The following HTRA3 variants were observed in gnomAD, a reference collection of about 807,000 sequenced individuals.
HTRA3 encodes serine protease HTRA3.
Under a neutral mutation model 43.2 loss-of-function variants are expected in HTRA3, and 41 were observed. The observed-to-expected ratio is 0.95, with a 90% CI of 0.74 to 1.23. HTRA3 has a LOEUF of 1.23. HTRA3 is among the 50% of genes most tolerant of loss of function. The pLI is 0.00. For missense variants in HTRA3, 628 were observed against 647.1 expected (o/e 0.97, Z 0.32); for synonymous variants, 295 against 287.9 (o/e 1.02, Z -0.25).
intron 1 of HTRA3, among the ~76,000 whole-genome samples, chr4:8,274,740 C>T (rs538370202): frequency 2.6e-5 from 4 of 152,318 alleles, no homozygotes; most frequent in South Asian, 2.1e-4. Context: ...TCCCTTTGCG[C>T]GTAACCAGAG....
rs533827735 is a variant in HTRA3 at position 8,295,345 on chromosome 4, C to T, written c.1051+1144C>T. Among the ~76,000 whole-genome samples, 68 of 152,030 alleles carry T rather than the reference C, an allele frequency of 4.5e-4. No homozygotes were observed. Among genetic ancestry groups the T allele is most frequent in the African/African-American group, 1.6e-3 (67 of 41,456 alleles). ...TCACCCTCCTCCAAGCCCCCATTTCCTTGCCCCCATTTCCTCACCCCATCA... is the reference window on the plus strand; with the variant it reads ...TCACCCTCCTCCAAGCCCCCATTTCTTTGCCCCCATTTCCTCACCCCATCA... On this transcript the variant is annotated intron_variant, in intron 6 of 8. Transcript: ENST00000307358. This position sits in a 1 kb window ranked among gnomAD's most constrained non-coding sequence, Gnocchi z 6.9.
In HTRA3 at chr4:8,297,195, G is replaced by A. The variant is rs572993897; in HGVS notation, c.1051+2994G>A. ...GCAGCCCAGCCACCTGGCAGGAGCA[G>A]GGCCAGGAGCAGGACGGGCAGGGAG... On this transcript the variant is annotated intron_variant, in intron 6 of 8. Coordinates refer to ENST00000307358, the MANE Select transcript of HTRA3 (RefSeq NM_053044.5). This position sits in a 1 kb window ranked among gnomAD's most constrained non-coding sequence, Gnocchi z 5.8. 2.0e-5 allele frequency among the ~76,000 whole-genome samples: 3 copies of A among 152,068 alleles called. No individual in the cohort carries two copies. Among genetic ancestry groups the A allele is most frequent in the Non-Finnish European group, 4.4e-5 (3 of 68,010 alleles).
In HTRA3 at chr4:8,279,578, G is replaced by A. The variant is rs369691394; in HGVS notation, c.386-2859G>A. ...CACGTTGGGGTCCAGAGAGCTTTCC[G>A]GCCCTGGGTGTTGGAGTGTCTGAGT... On this transcript the variant is annotated intron_variant, in intron 1 of 8. Transcript: ENST00000307358. This position sits in a 1 kb window ranked among gnomAD's most constrained non-coding sequence, Gnocchi z 7.4. Among the ~76,000 whole-genome samples the A allele has an allele frequency of 4.6e-5, 7 of 152,106 alleles. No individual in the cohort carries two copies. The highest frequency in any genetic ancestry group is 2.1e-4 in the South Asian group (1 of 4,822).
Position 8,271,686 on chromosome 4 carries a change from A to G in HTRA3, c.385+1333A>G, listed in dbSNP as rs137873414. ...TCTGGTGAGGGCTGCACTCTGCGGA[A>G]GGGAGGAAGCTGCGTCTTCACACGG... is the stretch of plus-strand genomic sequence containing the variant. On this transcript the variant is annotated intron_variant, in intron 1 of 8. Coordinates refer to ENST00000307358, the MANE Select transcript of HTRA3 (RefSeq NM_053044.5). Among the ~76,000 whole-genome samples the G allele has an allele frequency of 2.1e-3, 323 of 152,324 alleles. 2 individuals are homozygous for G. Among genetic ancestry groups the G allele is most frequent in the African/African-American group, 7.5e-3 (310 of 41,564 alleles).
At chr4:8,287,822 A>G (rs1289020182) in intron 3 of HTRA3, among the ~76,000 whole-genome samples, 1 of 152,220 alleles carries the variant, frequency 6.6e-6, no homozygotes, top group Non-Finnish European at 1.5e-5. Flanking sequence ...ATCACAGCGC[A>G]CTGGAGCAGG....
intron 1 of HTRA3, among the ~76,000 whole-genome samples, chr4:8,281,178 G>A (rs571733034): frequency 1.3e-5 from 2 of 152,144 alleles, no homozygotes; most frequent in African/African-American, 4.8e-5. Context: ...CCTAGAGCAC[G>A]GACCGCGGCC....
chr4:8,283,071 C>T (rs1712821163), intron 2 of HTRA3, among the ~76,000 whole-genome samples: 2 of 152,124 alleles, frequency 1.3e-5, no homozygotes, highest in African/African-American at 2.4e-5. Context: ...CCCGTGTGGC[C>T]GGAGCGGGGA....
chr4:8,285,493 C>T lies in HTRA3; in HGVS notation c.486-1068C>T, dbSNP rs572655704. Among the ~76,000 whole-genome samples the T allele has an allele frequency of 3.5e-4, 53 of 152,326 alleles. 1 individual carries two copies. The highest frequency in any genetic ancestry group is 1.2e-3 in the South Asian group (6 of 4,824). On this transcript the variant is annotated intron_variant, in intron 2 of 8. Coordinates refer to ENST00000307358, the MANE Select transcript of HTRA3 (RefSeq NM_053044.5). Reference sequence around the variant, plus strand: ...CTCTCACCTGCCTGCACGTGCCAGACGTTTCCATCCCTCCATACTTTGTCC... The same window carrying T: ...CTCTCACCTGCCTGCACGTGCCAGATGTTTCCATCCCTCCATACTTTGTCC...
chr4:8,298,333 A>T (rs924939502), intron 6 of HTRA3, among the ~76,000 whole-genome samples: 1 of 152,226 alleles, frequency 6.6e-6, no homozygotes, highest in Non-Finnish European at 1.5e-5. Context: ...TATTTGGCCC[A>T]TTAAAAACAT....
chr4:8,281,096 C>G (rs761920482), intron 1 of HTRA3, among the ~76,000 whole-genome samples: 5 of 152,124 alleles, frequency 3.3e-5, no homozygotes, highest in Non-Finnish European at 5.9e-5. Flanking sequence ...GTTTCCTTCC[C>G]CTGGCTGCCC....
chr4:8,283,077 G>A (rs370502873), intron 2 of HTRA3, among the ~76,000 whole-genome samples: 26 of 152,328 alleles, frequency 1.7e-4, no homozygotes, highest in Middle Eastern at 3.4e-3. Flanking sequence ...TGGCCGGAGC[G>A]GGGAGGAATG....
Position 8,279,148 on chromosome 4 carries a change from G to A in HTRA3, c.386-3289G>A, listed in dbSNP as rs775201004. ...GGTGGGCACGTGCGGGCTTCTCTTT[G>A]GAGACTCTGTGGGAAACAGGCCACC... On this transcript the variant is annotated intron_variant, in intron 1 of 8. Transcript: ENST00000307358. The surrounding 1 kb of genome is among the most constrained non-coding windows in gnomAD (Gnocchi z 7.4). Among the ~76,000 whole-genome samples the A allele has an allele frequency of 1.3e-5, 2 of 152,074 alleles. No individual in the cohort carries two copies. The highest frequency in any genetic ancestry group is 6.5e-5 in the Admixed American group (1 of 15,276).
chr4:8,298,121 C>T (rs988339374), intron 6 of HTRA3, among the ~76,000 whole-genome samples: 8 of 152,308 alleles, frequency 5.3e-5, no homozygotes, highest in African/African-American at 9.6e-5. Context: ...TGGGCTCCTC[C>T]GGATGCTGCC....
chr4:8,283,948 G>A (rs1460109213), intron 2 of HTRA3, among the ~76,000 whole-genome samples: 1 of 152,302 alleles, frequency 6.6e-6, no homozygotes, highest in South Asian at 2.1e-4. Context: ...CTGTCACTAG[G>A]CGTCACGGCC....
chr4:8,295,661 C>G lies in HTRA3; in HGVS notation c.1051+1460C>G. ...AACGCCCAGGCCTGACTCAGCAACT[C>G]ACACTTCCACATTGCTTTGCTGTCT... is the stretch of plus-strand genomic sequence containing the variant. On this transcript the variant is annotated intron_variant, in intron 6 of 8. Transcript: ENST00000307358. The surrounding 1 kb of genome is among the most constrained non-coding windows in gnomAD (Gnocchi z 6.9). 7.2e-7 allele frequency: 1 copy of G among 1,394,642 alleles called. No homozygotes were observed. Among genetic ancestry groups the G allele is most frequent in the Non-Finnish European group, 9.3e-7 (1 of 1,070,894 alleles). 86.4% of individuals were successfully genotyped at this position (1,394,642 alleles called of 1,614,324 possible). A position where few individuals can be genotyped will look rare whatever the true frequency, so the allele number is the denominator to read the frequency against.
chr4:8,297,817 C>A lies in HTRA3; in HGVS notation c.1051+3616C>A, dbSNP rs574949923. Reference sequence around the variant, plus strand: ...TGGCCCCTCCTGCTCCAGGCTCAGACGCGCAGCTGCTTGTGGGATGGACCC... The same window carrying A: ...TGGCCCCTCCTGCTCCAGGCTCAGAAGCGCAGCTGCTTGTGGGATGGACCC... On this transcript the variant is annotated intron_variant, in intron 6 of 8. Coordinates refer to ENST00000307358, the MANE Select transcript of HTRA3 (RefSeq NM_053044.5). The surrounding 1 kb of genome is among the most constrained non-coding windows in gnomAD (Gnocchi z 5.8). Among the ~76,000 whole-genome samples, 7 of 152,238 alleles carry A rather than the reference C, an allele frequency of 4.6e-5. No homozygotes were observed. In the South Asian group the frequency reaches 1.2e-3, roughly 27 times the overall value.
intron 3 of HTRA3, among the ~76,000 whole-genome samples, chr4:8,287,454 G>C (rs1308408378): frequency 6.6e-6 from 1 of 152,206 alleles, no homozygotes; most frequent in East Asian, 1.9e-4. Flanking sequence ...GAGTTCTGTA[G>C]GCTGTACAGG....
rs1169260036 is a variant in HTRA3 at position 8,286,870 on chromosome 4, G to A, written c.708+87G>A. 1 of 1,002,482 alleles carries A rather than the reference G, an allele frequency of 1.0e-6. No homozygotes were observed. The highest frequency in any genetic ancestry group is 2.2e-5 in the Admixed American group (1 of 44,992). 62.1% of individuals were successfully genotyped at this position (1,002,482 alleles called of 1,614,324 possible). A position where few individuals can be genotyped will look rare whatever the true frequency, so the allele number is the denominator to read the frequency against. Reference sequence around the variant, plus strand: ...GACGCCGGAACCCAGAGGCAAGCTAGCCCCACCTTCCATCAGCCAGGGGGA... The same window carrying A: ...GACGCCGGAACCCAGAGGCAAGCTAACCCCACCTTCCATCAGCCAGGGGGA... On this transcript the variant is annotated intron_variant, in intron 3 of 8. Coordinates refer to ENST00000307358, the MANE Select transcript of HTRA3 (RefSeq NM_053044.5). The surrounding 1 kb of genome is among the most constrained non-coding windows in gnomAD (Gnocchi z 4.9).
At chr4:8,281,183 G>C (rs1560135535) in intron 1 of HTRA3, among the ~76,000 whole-genome samples, 1 of 152,166 alleles carries the variant, frequency 6.6e-6, no homozygotes, top group Admixed American at 6.5e-5. Context: ...AGCACGGACC[G>C]CGGCCCGGGC....
Sources: allele counts gnomAD v4.1 joint callset (sites outside exome capture counted in the v4.1 genomes callset), GRCh38; gene constraint gnomAD v4.1.1; non-coding constraint Gnocchi (gnomAD v3.1); transcripts MANE v1.5; gene names NCBI Gene and HGNC (gene_info 2026-07-23, HGNC 2026-07-21).